RGS8: variants seen among roughly 807,000 people sequenced by gnomAD.
RGS8 encodes the protein regulator of G-protein signaling 8.
In RGS8, 8 loss-of-function variants were observed where a neutral mutation model predicts 21.7. The ratio of observed to expected loss-of-function variants is 0.37; its 90% confidence interval spans 0.22 to 0.66. The LOEUF is 0.66. Ranked by LOEUF, RGS8 falls within the 30% of genes least tolerant of loss-of-function variation. The pLI, the probability that RGS8 is intolerant of heterozygous loss-of-function variation, is 0.59. For synonymous variants in RGS8, 80 were observed against 83.6 expected, an observed-to-expected ratio of 0.96 and a Z score of 0.24; for missense variants, 157 against 217.9, an observed-to-expected ratio of 0.72 and a Z score of 1.76.
At chr1:182,746,866 A>C in the RGS8 span, among the ~76,000 whole-genome samples, 1 of 151,958 alleles carries the variant, frequency 6.6e-6, no homozygotes, top group African/African-American at 2.4e-5. Flanking sequence ...AAAGATAGGA[A>C]ATGCATCAGA....
the RGS8 span, among the ~76,000 whole-genome samples, chr1:182,727,532 T>C: frequency 1.3e-5 from 2 of 152,130 alleles, no homozygotes; most frequent in African/African-American, 2.4e-5. Context: ...TTTGGAAAAA[T>C]AGAACCTTTT....
At chr1:182,667,052 T>A in intron 3 of RGS8, 79 bp from the exon 5 acceptor site, 4 of 1,190,200 alleles carry the variant, frequency 3.4e-6, no homozygotes, top group Non-Finnish European at 5.0e-6. Context: ...CCCCTGGAGC[T>A]GCTGCTACGG....
the RGS8 span, among the ~76,000 whole-genome samples, chr1:182,720,986 C>T: frequency 2.2e-5 from 2 of 92,068 alleles, no homozygotes; most frequent in Admixed American, 1.2e-4. Context: ...CATATATACA[C>T]ATATATATGT....
At chr1:182,678,704 C>A (rs1664447038) in intron 1 of RGS8, among the ~76,000 whole-genome samples, 1 of 152,206 alleles carries the variant, frequency 6.6e-6, no homozygotes, top group African/African-American at 2.4e-5. Flanking sequence ...TGTTTGCTCA[C>A]CTCCACAGCC....
At chr1:182,694,229 G>A in the RGS8 span, among the ~76,000 whole-genome samples, 1 of 151,620 alleles carries the variant, frequency 6.6e-6, no homozygotes, top group Non-Finnish European at 1.5e-5. Context: ...TTTTGAATAT[G>A]TTTATTAAAT....
chr1:182,688,912 G>A (rs1374097499), upstream of RGS8, among the ~76,000 whole-genome samples: 1 of 152,106 alleles, frequency 6.6e-6, no homozygotes, highest in Non-Finnish European at 1.5e-5. Flanking sequence ...CTCCAGAAGG[G>A]AATGCAGACC....
chr1:182,719,921 C>T, the RGS8 span, among the ~76,000 whole-genome samples: 2 of 152,078 alleles, frequency 1.3e-5, no homozygotes, highest in African/African-American at 2.4e-5. Flanking sequence ...TTTGCCCATA[C>T]CCTATTTCTT....
the RGS8 span, among the ~76,000 whole-genome samples, chr1:182,748,503 C>T: frequency 6.6e-6 from 1 of 152,174 alleles, no homozygotes; most frequent in Admixed American, 6.5e-5. Flanking sequence ...ATCCATTCAT[C>T]CATTGATGGA....
At chr1:182,732,962 C>A in the RGS8 span, among the ~76,000 whole-genome samples, 6 of 152,154 alleles carry the variant, frequency 3.9e-5, no homozygotes, top group Non-Finnish European at 1.5e-5. Context: ...CAGCTTAATG[C>A]AACCAAGTTA....
the RGS8 span, chr1:182,733,878 AT>A: frequency 8.9e-6 from 1 of 112,078 alleles, no homozygotes; most frequent in South Asian, 2.7e-4. Flanking sequence ...ATACCAAGTT[AT>A]TTATTTATTT....
chr1:182,653,858 G>A (rs2102414671), intron 5 of RGS8, among the ~76,000 whole-genome samples: 1 of 152,320 alleles, frequency 6.6e-6, no homozygotes, highest in Admixed American at 6.5e-5. Flanking sequence ...GGAGCAAAAA[G>A]AGGAGCTATG....
upstream of RGS8, among the ~76,000 whole-genome samples, chr1:182,674,439 G>A (rs1664292075): frequency 6.6e-6 from 1 of 152,110 alleles, no homozygotes; most frequent in Non-Finnish European, 1.5e-5. Context: ...ATAACACAAG[G>A]AAACGGAACA....
intron 5 of RGS8, chr1:182,658,472 C>A (rs569010752): frequency 1.3e-5 from 2 of 152,156 alleles, no homozygotes; most frequent in Non-Finnish European, 2.9e-5. Flanking sequence ...CTTGTATCCC[C>A]GAACAACTGG....
chr1:182,667,072 C>T, intron 3 of RGS8, 99 bp from the exon 5 acceptor site: 2 of 913,758 alleles, frequency 2.2e-6, no homozygotes, highest in South Asian at 1.4e-5. Flanking sequence ...GGAGCCAGCA[C>T]TGCCCCCACC....
At chr1:182,739,855 T>C in the RGS8 span, among the ~76,000 whole-genome samples, 1 of 152,122 alleles carries the variant, frequency 6.6e-6, no homozygotes, top group African/African-American at 2.4e-5. Flanking sequence ...CTCTGAGTCT[T>C]CCAGAATCTA....
chr1:182,662,766 G>A (rs1239738294), intron 5 of RGS8, among the ~76,000 whole-genome samples: 2 of 152,122 alleles, frequency 1.3e-5, no homozygotes, highest in East Asian at 3.8e-4. Context: ...ATGCCTGTTC[G>A]CTCAGAGGCT....
chr1:182,681,019 C>A (rs942755030), intron 1 of RGS8, among the ~76,000 whole-genome samples: 2 of 152,176 alleles, frequency 1.3e-5, no homozygotes, highest in African/African-American at 4.8e-5. Flanking sequence ...AAGGCAATGC[C>A]CACTTCCTGT....
At chr1:182,675,726 T>A (rs1348397100), upstream of RGS8, among the ~76,000 whole-genome samples, 6 of 152,134 alleles carry the variant, frequency 3.9e-5, no homozygotes, top group Admixed American at 3.3e-4. Flanking sequence ...CAAACCTTTT[T>A]CAGAATTCTC....
chr1:182,715,124 C>T, the RGS8 span, among the ~76,000 whole-genome samples: 1 of 152,094 alleles, frequency 6.6e-6, no homozygotes, highest in Non-Finnish European at 1.5e-5. Flanking sequence ...AGAAGAAAAC[C>T]CACTGAAAGT....
Sources: allele counts gnomAD v4.1 joint callset (sites outside exome capture counted in the v4.1 genomes callset), GRCh38; gene constraint gnomAD v4.1.1; transcripts MANE v1.5; gene names NCBI Gene and HGNC (gene_info 2026-07-23, HGNC 2026-07-21).